REPS2: variants seen among roughly 807,000 people sequenced by gnomAD.
REPS2 encodes RALBP1 associated Eps domain containing 2.
REPS2 carries 23 observed loss-of-function variants against 53.6 expected under a neutral mutation model. The observed-to-expected ratio is 0.43, with a 90% CI of 0.31 to 0.61. The LOEUF (loss-of-function observed/expected upper bound fraction) is 0.61. Ranked by LOEUF, REPS2 falls within the 20% of genes least tolerant of loss-of-function variation. The pLI is 0.11. For synonymous variants in REPS2, 238 were observed against 218.6 expected (o/e 1.09, Z -0.78); for missense variants, 446 against 534.9 (o/e 0.83, Z 1.64).
chrX:17,041,236 T>C (rs2061825932), intron 5 of REPS2, among the ~76,000 whole-genome samples: 1 of 110,924 alleles, frequency 9.0e-6, no homozygotes, highest in African/African-American at 3.3e-5. Context: ...TGGCTACAAC[T>C]CAGTCACATG....
At chrX:17,176,268 C>CCCT in the REPS2 span, among the ~76,000 whole-genome samples, 2 of 111,909 alleles carry the variant, frequency 1.8e-5, no homozygotes, top group South Asian at 7.6e-4. Context: ...TGGCCTCCTT[C>CCCT]CCTTCTCAGT....
At chrX:17,058,662 G>A in intron 8 of REPS2, among the ~76,000 whole-genome samples, 1 of 111,235 alleles carries the variant, frequency 9.0e-6, no homozygotes, top group East Asian at 2.8e-4. Flanking sequence ...GAGACTGTCA[G>A]CATGCATTTA....
rs774403476 is a variant in REPS2, at chrX:17,128,027, A to T, written c.1579-5797A>T. Reference sequence around the variant, plus strand: ...GCTGACTGTCTCCAGAACAAGTGATATGAGAGTGAGAGATAGAGATAGAAA... The same window carrying T: ...GCTGACTGTCTCCAGAACAAGTGATTTGAGAGTGAGAGATAGAGATAGAAA... On this transcript the variant is annotated intron_variant, in intron 14 of 17. Transcript: ENST00000357277. Among the ~76,000 whole-genome samples, 3 of 111,803 alleles carry T rather than the reference A, an allele frequency of 2.7e-5. No homozygotes were observed. The East Asian group carries it at 8.5e-4, about 32-fold the overall frequency.
chrX:17,123,759 A>ATCCAG (rs2063172235), intron 14 of REPS2, among the ~76,000 whole-genome samples: 1 of 112,475 alleles, frequency 8.9e-6, no homozygotes, highest in Non-Finnish European at 1.9e-5. Context: ...TAGCGGTAAT[A>ATCCAG]TCCAGTGGCA....
intron 1 of REPS2, among the ~76,000 whole-genome samples, chrX:16,972,236 A>G (rs1355982360): frequency 8.9e-6 from 1 of 112,476 alleles, no homozygotes; most frequent in Non-Finnish European, 1.9e-5. Context: ...TGTTGATGGC[A>G]TAGAAGACAA....
At chrX:17,132,496 G>C (rs975135309) in intron 14 of REPS2, among the ~76,000 whole-genome samples, 2 of 112,599 alleles carry the variant, frequency 1.8e-5, no homozygotes, top group Non-Finnish European at 3.8e-5. Context: ...AGAAGGGAAA[G>C]GTGTTTTCTC....
At chrX:17,147,296 C>T in intron 17 of REPS2, 117 bp from the exon 18 acceptor site, 1 of 534,750 alleles carries the variant, frequency 1.9e-6, no homozygotes, top group Non-Finnish European at 3.2e-6. Flanking sequence ...TTGAGTTATA[C>T]AGCACTTGTA....
chrX:17,092,003 C>T (rs1040309814), intron 13 of REPS2, among the ~76,000 whole-genome samples: 1 of 111,613 alleles, frequency 9.0e-6, no homozygotes, highest in Non-Finnish European at 1.9e-5. Flanking sequence ...GAGTGTTTTT[C>T]CCCCCTTTGG....
At chrX:16,952,639 T>C (rs1411278161) in intron 1 of REPS2, among the ~76,000 whole-genome samples, 2 of 112,490 alleles carry the variant, frequency 1.8e-5, no homozygotes, top group African/African-American at 6.5e-5. Context: ...CTTCTGATTT[T>C]TTGAAGCAAC....
chrX:17,021,078 A>G (rs1337236652), intron 2 of REPS2, among the ~76,000 whole-genome samples: 1 of 112,494 alleles, frequency 8.9e-6, no homozygotes, highest in African/African-American at 3.2e-5. Flanking sequence ...TTAGCACAGC[A>G]TCAGTCATTG....
intron 1 of REPS2, among the ~76,000 whole-genome samples, chrX:16,988,096 G>A (rs1201867954): frequency 1.8e-5 from 2 of 109,246 alleles, no homozygotes; most frequent in East Asian, 5.7e-4. Flanking sequence ...AATGTAGGGC[G>A]ACCCCCATCT....
intron 1 of REPS2, among the ~76,000 whole-genome samples, chrX:17,002,595 G>A (rs780394471): frequency 1.8e-5 from 2 of 112,427 alleles, no homozygotes; most frequent in East Asian, 2.8e-4. Flanking sequence ...GTTGACCTGC[G>A]TGTTCAGCTG....
intron 3 of REPS2, 85 bp from the exon 4 acceptor site, chrX:17,024,974 G>A: frequency 8.5e-7 from 1 of 1,175,073 alleles, no homozygotes; most frequent in South Asian, 1.8e-5. Flanking sequence ...GTCACCAGCA[G>A]TAGAGTTGCG....
At chrX:17,124,231 C>A (rs1364933738) in intron 14 of REPS2, among the ~76,000 whole-genome samples, 1 of 112,183 alleles carries the variant, frequency 8.9e-6, no homozygotes, top group Non-Finnish European at 1.9e-5. Flanking sequence ...TCCAGTGGAA[C>A]ATGAAACAGT....
downstream of REPS2, among the ~76,000 whole-genome samples, chrX:17,156,481 A>T (rs1265174397): frequency 9.0e-6 from 1 of 110,685 alleles, no homozygotes; most frequent in Non-Finnish European, 1.9e-5. Context: ...GACCAACAAA[A>T]TATTTTTTAG....
At position 17,052,487 on chromosome X, in the gene REPS2, A is replaced by G. The variant is rs533153916; in HGVS notation, c.971+42A>G. ...CCATATGACATTCATACCATCATCC[A>G]TAACTCATCCTTTAGTTCCTACCTT... is the stretch of plus-strand genomic sequence containing the variant. On this transcript the variant is annotated intron_variant, in intron 7 of 17. Coordinates refer to ENST00000357277, the MANE Select transcript of REPS2 (RefSeq NM_004726.3). 4.6e-4 allele frequency: 467 copies of G among 1,019,947 alleles called. 2 individuals carry two copies. In the South Asian group the frequency reaches 9.8e-3, roughly 21 times the overall value. The allele number at this position is 1,019,947 out of a possible 1,213,427, so 84.1% of individuals were successfully genotyped here. A position where few individuals can be genotyped will look rare whatever the true frequency, so the allele number is the denominator to read the frequency against.
chrX:17,093,322 G>C (rs926676256), intron 13 of REPS2, among the ~76,000 whole-genome samples: 8 of 103,875 alleles, frequency 7.7e-5, no homozygotes, highest in Non-Finnish European at 1.4e-4. Context: ...AGTTCTCATC[G>C]AGACCCTAGG....
At chrX:17,168,214 C>T in the REPS2 span, among the ~76,000 whole-genome samples, 1 of 111,513 alleles carries the variant, frequency 9.0e-6, no homozygotes, top group Non-Finnish European at 1.9e-5. Flanking sequence ...TGGGGTAACT[C>T]TCAACCAATA....
chrX:16,951,037 C>G (rs1323239772), intron 1 of REPS2, among the ~76,000 whole-genome samples: 1 of 112,000 alleles, frequency 8.9e-6, no homozygotes, highest in Admixed American at 9.4e-5. Flanking sequence ...CAGAGCAAAA[C>G]CCTGTATCAA....
Sources: allele counts gnomAD v4.1 joint callset (sites outside exome capture counted in the v4.1 genomes callset), GRCh38; gene constraint gnomAD v4.1.1; transcripts MANE v1.5; gene names NCBI Gene and HGNC (gene_info 2026-07-23, HGNC 2026-07-21).